The following MAP4 variants were observed in gnomAD, a reference collection of about 807,000 sequenced individuals.
The protein encoded by MAP4 is microtubule associated protein 4.
MAP4 carries 76 observed loss-of-function variants against 170.2 expected under a neutral mutation model. The observed-to-expected ratio is 0.45, with a 90% CI of 0.37 to 0.54. MAP4 has a LOEUF of 0.54. MAP4 is among the 20% of genes least tolerant of loss of function. The pLI is 0.00. For synonymous variants in MAP4, 909 were observed against 994.5 expected, an observed-to-expected ratio of 0.91 and a Z score of 1.62; for missense variants, 2,506 against 2,748.0, an observed-to-expected ratio of 0.91 and a Z score of 1.97.
chr3:47,966,031 A>AT (rs2100074675), intron 3 of MAP4, among the ~76,000 whole-genome samples: 1 of 151,908 alleles, frequency 6.6e-6, no homozygotes, highest in Non-Finnish European at 1.5e-5. Flanking sequence ...TCTTTGATCC[A>AT]TTTTAAGTTA....
In MAP4 at chr3:47,856,983, C is replaced by T. The variant is rs933656332; in HGVS notation, c.6583+448G>A. ...TGCATTAGTGCAAGTTGCTGAACGCCTCCCATTCTCCTGCCAGGGCTAGCG... is the reference window on the plus strand; with the variant it reads ...TGCATTAGTGCAAGTTGCTGAACGCTTCCCATTCTCCTGCCAGGGCTAGCG... On this transcript the variant is annotated intron_variant, in intron 18 of 20. Coordinates refer to ENST00000683076, the MANE Select transcript of MAP4 (RefSeq NM_001385682.1). Among the ~76,000 whole-genome samples the T allele has an allele frequency of 1.1e-4, 16 of 152,252 alleles. No individual in the cohort carries two copies. In the East Asian group the frequency reaches 3.1e-3, roughly 29 times the overall value.
chr3:47,853,591 C>T (rs1179517419), intron 19 of MAP4, among the ~76,000 whole-genome samples: 1 of 152,108 alleles, frequency 6.6e-6, no homozygotes, highest in East Asian at 1.9e-4. Flanking sequence ...TCTCAGAGCC[C>T]CTCTGTGGCA....
chr3:47,922,423 T>C (rs1392068725), intron 4 of MAP4, among the ~76,000 whole-genome samples: 1 of 152,092 alleles, frequency 6.6e-6, no homozygotes, highest in Non-Finnish European at 1.5e-5. Flanking sequence ...AGCCAACAAA[T>C]GCATAAAACA....
intron 1 of MAP4, among the ~76,000 whole-genome samples, chr3:48,084,025 CAAG>C (rs1414053607): frequency 1.3e-5 from 2 of 151,830 alleles, no homozygotes; most frequent in East Asian, 3.9e-4. Flanking sequence ...ATGCCCAAGC[CAAG>C]AAGATTAACT....
intron 1 of MAP4, chr3:48,013,463 T>A (rs958745067): frequency 6.6e-6 from 1 of 152,172 alleles, no homozygotes; most frequent in Non-Finnish European, 1.5e-5. Context: ...ACCAGTTTAA[T>A]CTGACACTCA....
Position 47,852,439 on chromosome 3 carries a change from GCGT to G in MAP4, c.*492_*494del. ...GGCAGTGGCTTAAGCTCCACGGTCA[GCGT>G]CCTGTCACCACTCGGAATCCACCTC... On this transcript the variant is annotated 3_prime_UTR_variant, in exon 21 of 21. Transcript: ENST00000683076. The G allele has an allele frequency of 4.0e-6, 1 of 252,850 alleles. No homozygotes were observed. The highest frequency in any genetic ancestry group is 2.2e-5 in the African/African-American group (1 of 44,562). 15.7% of individuals were successfully genotyped at this position (252,850 alleles called of 1,614,324 possible).
chr3:47,930,451 C>CAA (rs1310181534), intron 3 of MAP4, among the ~76,000 whole-genome samples: 8 of 94,760 alleles, frequency 8.4e-5, no homozygotes, highest in Non-Finnish European at 1.7e-4. Flanking sequence ...GACTCCGTCT[C>CAA]AAAAAAAAAA....
chr3:48,069,412 A>AT (rs1395403818), intron 1 of MAP4, among the ~76,000 whole-genome samples: 5 of 152,352 alleles, frequency 3.3e-5, no homozygotes, highest in African/African-American at 1.2e-4. Flanking sequence ...CACAGTTATT[A>AT]TGTGGTACAG....
intron 4 of MAP4, 40 bp from the exon 5 acceptor site, chr3:47,921,918 T>C (rs1329360681): frequency 2.3e-6 from 2 of 863,896 alleles, no homozygotes; most frequent in Admixed American, 1.8e-5. Flanking sequence ...TCCTGGTGAA[T>C]GCAACTAGAA....
chr3:48,013,196 G>T (rs2100106168), intron 1 of MAP4, among the ~76,000 whole-genome samples: 1 of 151,874 alleles, frequency 6.6e-6, no homozygotes, highest in South Asian at 2.1e-4. Context: ...TGCCTTAAAT[G>T]CTTAGTTACA....
chr3:47,933,703 C>T (rs1334321422), intron 3 of MAP4, among the ~76,000 whole-genome samples: 11 of 151,806 alleles, frequency 7.2e-5, no homozygotes, highest in Middle Eastern at 3.2e-3. Flanking sequence ...CAGATTCACG[C>T]CATTCTCCTG....
At chr3:48,049,425 G>A (rs2100126347) in intron 1 of MAP4, among the ~76,000 whole-genome samples, 1 of 149,758 alleles carries the variant, frequency 6.7e-6, no homozygotes, top group Admixed American at 6.7e-5. Flanking sequence ...TCTGAGACCA[G>A]TCTGAGTAAC....
At chr3:47,919,153 G>C (rs1288221541) in intron 5 of MAP4, among the ~76,000 whole-genome samples, 1 of 151,828 alleles carries the variant, frequency 6.6e-6, no homozygotes, top group Non-Finnish European at 1.5e-5. Context: ...GGATAGTCTC[G>C]ATCTCCTGAC....
chr3:47,946,118 T>C (rs543360007), intron 3 of MAP4, among the ~76,000 whole-genome samples: 1 of 148,936 alleles, frequency 6.7e-6, no homozygotes, highest in Non-Finnish European at 1.5e-5. Flanking sequence ...TTTTTTTTTG[T>C]AGTTTTAGTA....
chr3:48,076,501 TAA>T (rs78266678), intron 1 of MAP4, among the ~76,000 whole-genome samples: 32 of 121,940 alleles, frequency 2.6e-4, no homozygotes, highest in East Asian at 2.3e-4. Flanking sequence ...GACTACATCT[TAA>T]AAAAAAAAAA....
At chr3:48,080,762 C>T (rs1392742008) in intron 1 of MAP4, among the ~76,000 whole-genome samples, 4 of 151,990 alleles carry the variant, frequency 2.6e-5, no homozygotes, top group South Asian at 2.1e-4. Flanking sequence ...AGGCGGATCA[C>T]GAGGTCAGGA....
chr3:47,929,627 CAAAAAAAAAAAAAAAAA>C (rs71070242), intron 3 of MAP4, among the ~76,000 whole-genome samples: 4 of 11,206 alleles, frequency 3.6e-4, no homozygotes, highest in South Asian at 8.4e-3. Flanking sequence ...ACTTATTATG[CAAAAAAAAAAAAAAAAA>C]AAAAAAAAAA....
At chr3:48,076,382 G>A (rs778346191) in intron 1 of MAP4, among the ~76,000 whole-genome samples, 143 of 150,476 alleles carry the variant, frequency 9.5e-4, no homozygotes, top group Non-Finnish European at 1.9e-3. Flanking sequence ...GGCACCTGTA[G>A]TCCCAGCTAC....
At chr3:47,978,046 CA>C in intron 2 of MAP4, 113 bp from the exon 3 acceptor site, 1 of 675,816 alleles carries the variant, frequency 1.5e-6, no homozygotes, top group East Asian at 2.6e-5. Flanking sequence ...TAGGTTAAAG[CA>C]ATTAAAAACT....
Sources: gnomAD v4.1 joint callset for allele counts (sites outside exome capture counted in the v4.1 genomes callset) on GRCh38, gnomAD v4.1.1 for gene constraint, MANE v1.5 for transcripts, NCBI Gene and HGNC (gene_info 2026-07-23, HGNC 2026-07-21) for gene names.